CHD9: variants seen among roughly 807,000 people sequenced by gnomAD.
CHD9 encodes chromodomain helicase DNA binding protein 9, also known as ATP-dependent chromatin remodeler CHD9.
A neutral mutation model predicts 316.1 loss-of-function variants in CHD9; 77 were observed. That is an observed-to-expected ratio of 0.24 (90% CI 0.20 to 0.29). CHD9 has a LOEUF of 0.29. Ranked by LOEUF, CHD9 falls within the 10% of genes least tolerant of loss-of-function variation. The probability of loss-of-function intolerance (pLI) is 1.00; values close to 1 mark genes in which losing one functional copy is unlikely to be tolerated. For synonymous variants in CHD9, 1,129 were observed against 1,158.3 expected (o/e 0.97, Z 0.51); for missense variants, 2,763 against 3,438.1 (o/e 0.80, Z 4.91).
At chr16:53,132,005 G>GCA (rs1165557439) in intron 1 of CHD9, among the ~76,000 whole-genome samples, 1 of 152,202 alleles carries the variant, frequency 6.6e-6, no homozygotes, top group Non-Finnish European at 1.5e-5. Flanking sequence ...CCAAAGCCAA[G>GCA]CACTACCCGG....
At position 53,156,344 on chromosome 16, in the gene CHD9, T is replaced by C; in HGVS notation, c.255T>C (p.Ser85=). The change falls in exon 2 of 39, where the codon TCT becomes TCC. Residue 85 remains serine (S), a synonymous_variant. Coordinates refer to ENST00000447540, the MANE Select transcript of CHD9 (RefSeq NM_001308319.2). ...TAAAATTTCACCATGTTAATCAATC[T>C]TTTGGTAGCCCAGCTGAACATGTGT... The part of the protein sequence containing the change: ...DSIKFHHVNQ[S]FGSPAEHVLS... The C allele has an allele frequency of 6.2e-7, 1 of 1,614,008 alleles. No homozygotes were observed. The highest frequency in any genetic ancestry group is 1.3e-5 in the African/African-American group (1 of 75,058).
intron 1 of CHD9, among the ~76,000 whole-genome samples, chr16:53,095,340 G>T (rs1440847672): frequency 6.6e-6 from 1 of 152,138 alleles, no homozygotes; most frequent in Non-Finnish European, 1.5e-5. Context: ...GAAGCCAGGA[G>T]TTCAAGACCA....
In CHD9 at chr16:53,324,996, C is replaced by G; in HGVS notation, c.*101C>G. 4.1e-6 allele frequency: 4 copies of G among 984,934 alleles called. No homozygotes were observed. Among genetic ancestry groups the G allele is most frequent in the Non-Finnish European group, 5.8e-6 (4 of 691,162 alleles). 61.0% of individuals were successfully genotyped at this position (984,934 alleles called of 1,614,324 possible). On this transcript the variant is annotated 3_prime_UTR_variant, in exon 39 of 39. Transcript: ENST00000447540. ...TTGAGTGCATCAATAACTTACTGAC[C>G]GAACATTTCAGTTATTTGTTTAGAA...
At chr16:53,269,782 G>A in intron 22 of CHD9, among the ~76,000 whole-genome samples, 1 of 152,098 alleles carries the variant, frequency 6.6e-6, no homozygotes, top group Non-Finnish European at 1.5e-5. Flanking sequence ...AGCCAAAGAT[G>A]ACTTTCTGCC....
intron 2 of CHD9, among the ~76,000 whole-genome samples, chr16:53,198,307 A>C (rs1053688295): frequency 6.6e-6 from 1 of 150,846 alleles, no homozygotes; most frequent in African/African-American, 2.4e-5. Context: ...ACTCATAATA[A>C]GCATTCAATT....
In CHD9 at chr16:53,245,263, C is replaced by T. The variant is rs769331890; in HGVS notation, c.3055-73C>T. The T allele has an allele frequency of 5.1e-6, 6 of 1,169,810 alleles. No homozygotes were observed. The highest frequency in any genetic ancestry group is 2.8e-5 in the East Asian group (1 of 36,288). 72.5% of individuals were successfully genotyped at this position (1,169,810 alleles called of 1,614,324 possible). A position where few individuals can be genotyped will look rare whatever the true frequency, so the allele number is the denominator to read the frequency against. ...GAAAAATATTTGCATATTGATCATTCGATAATCTAAGTCAGCTTTCATATA... is the reference window on the plus strand; with the variant it reads ...GAAAAATATTTGCATATTGATCATTTGATAATCTAAGTCAGCTTTCATATA... On this transcript the variant is annotated intron_variant, in intron 13 of 38. Coordinates refer to ENST00000447540, the MANE Select transcript of CHD9 (RefSeq NM_001308319.2). This position sits in a 1 kb window ranked among gnomAD's most constrained non-coding sequence, Gnocchi z 4.1.
At chr16:53,121,626 G>A (rs2038742056) in intron 1 of CHD9, 1 of 329,832 alleles carries the variant, frequency 3.0e-6, no homozygotes, top group Non-Finnish European at 6.0e-6. Flanking sequence ...CATATCCCTT[G>A]GATGTTGTTA....
intron 28 of CHD9, 99 bp downstream of exon 28, chr16:53,291,866 T>C (rs1197577960): frequency 5.4e-6 from 4 of 738,974 alleles, no homozygotes; most frequent in African/African-American, 1.9e-5. Flanking sequence ...ATGTTTCATA[T>C]ATAAAAATTT....
At chr16:53,185,916 A>T (rs558652431) in intron 2 of CHD9, among the ~76,000 whole-genome samples, 1 of 152,366 alleles carries the variant, frequency 6.6e-6, no homozygotes, top group African/African-American at 2.4e-5. Flanking sequence ...TAGAAGATAC[A>T]TGGAAAGGCT....
At chr16:53,314,679 AGT>A in intron 35 of CHD9, 142 bp from the exon 36 acceptor site, 1 of 978,944 alleles carries the variant, frequency 1.0e-6, no homozygotes, top group South Asian at 1.8e-5. Flanking sequence ...ACTGTCCAAG[AGT>A]GATAAAAATT....
intron 1 of CHD9, among the ~76,000 whole-genome samples, chr16:53,057,358 A>T (rs1440384304): frequency 6.6e-6 from 1 of 151,610 alleles, no homozygotes; most frequent in Non-Finnish European, 1.5e-5. Context: ...TTTAAAAAAA[A>T]AAAGAGGAAA....
rs2045073745 is a variant in CHD9 at position 53,197,871 on chromosome 16, T to C, written c.1453-11611T>C. Among the ~76,000 whole-genome samples the C allele has an allele frequency of 2.6e-5, 4 of 152,114 alleles. No homozygotes were observed. In the South Asian group the frequency reaches 8.3e-4, roughly 32 times the overall value. On this transcript the variant is annotated intron_variant, in intron 2 of 38. Coordinates refer to ENST00000447540, the MANE Select transcript of CHD9 (RefSeq NM_001308319.2). ...CGGGGTTTCACCATGTTGGCCAGGC[T>C]GGTCTCGAACTACTGACCTCAGGTG...
rs1404683842 is a variant in CHD9 at position 53,245,178 on chromosome 16, A to G, written c.3055-158A>G. Reference sequence around the variant, plus strand: ...AGCAAGACCTTGTCTCTAAACAAACAAACAAATATATATATATACACACAC... The same window carrying G: ...AGCAAGACCTTGTCTCTAAACAAACGAACAAATATATATATATACACACAC... On this transcript the variant is annotated intron_variant, in intron 13 of 38. Coordinates refer to ENST00000447540, the MANE Select transcript of CHD9 (RefSeq NM_001308319.2). This position sits in a 1 kb window ranked among gnomAD's most constrained non-coding sequence, Gnocchi z 4.1. Among the ~76,000 whole-genome samples the G allele has an allele frequency of 1.3e-5, 2 of 149,666 alleles. No individual in the cohort carries two copies. The highest frequency in any genetic ancestry group is 5.0e-5 in the African/African-American group (2 of 40,214).
intron 1 of CHD9, among the ~76,000 whole-genome samples, chr16:53,117,831 CT>C (rs11436680): frequency 2.8e-4 from 41 of 145,794 alleles, no homozygotes; most frequent in Non-Finnish European, 3.0e-4. Context: ...AAATATTTCT[CT>C]TTTTTTTTTT....
At chr16:53,229,208 T>C in intron 8 of CHD9, 108 bp downstream of exon 8, 1 of 559,916 alleles carries the variant, frequency 1.8e-6, no homozygotes. Flanking sequence ...AGTGTTGATA[T>C]TTGAATACAA....
In CHD9 at chr16:53,227,386, C is replaced by G; in HGVS notation, c.2044-10C>G. ...GTGTTCTGTCATTATTTCTTTCCTC[C>G]CTCCCATAGGAGAATCCGAGTGAAG... On this transcript the variant is annotated splice_polypyrimidine_tract_variant and intron_variant, in intron 5 of 38. Coordinates refer to ENST00000447540, the MANE Select transcript of CHD9 (RefSeq NM_001308319.2). 6.5e-7 allele frequency: 1 copy of G among 1,539,882 alleles called. No individual in the cohort carries two copies. The highest frequency in any genetic ancestry group is 1.2e-5 in the South Asian group (1 of 81,796).
chr16:53,314,966 T>C lies in CHD9; in HGVS notation c.7506T>C (p.Asp2502=), dbSNP rs2056767927. 1 of 1,613,900 alleles carries C rather than the reference T, an allele frequency of 6.2e-7. No individual in the cohort carries two copies. Among genetic ancestry groups the C allele is most frequent in the Non-Finnish European group, 8.5e-7 (1 of 1,179,826 alleles). ...LKDGTRLAGD[D]APKRKDLEKW... ...ATGGAACGAGACTTGCAGGAGATGA[T>C]GCACCAAAGAGAAAGGATTTGGAAA... Residue 2502 remains aspartate, a synonymous_variant, in exon 36 of 39, where the codon GAT becomes GAC. Coordinates refer to ENST00000447540, the MANE Select transcript of CHD9 (RefSeq NM_001308319.2).
At chr16:53,312,435 A>C (rs1041103575) in intron 34 of CHD9, among the ~76,000 whole-genome samples, 18 of 152,232 alleles carry the variant, frequency 1.2e-4, no homozygotes, top group Admixed American at 2.0e-4. Flanking sequence ...TGATAAGAGG[A>C]CAACAAAATA....
intron 1 of CHD9, among the ~76,000 whole-genome samples, chr16:53,062,318 A>T (rs2033002493): frequency 6.6e-6 from 1 of 152,248 alleles, no homozygotes; most frequent in Non-Finnish European, 1.5e-5. Context: ...TTATCTTTAC[A>T]GTTTCCACCT....
Sources: allele counts gnomAD v4.1 joint callset (sites outside exome capture counted in the v4.1 genomes callset), GRCh38; gene constraint gnomAD v4.1.1; non-coding constraint Gnocchi (gnomAD v3.1); transcripts MANE v1.5; gene names NCBI Gene and HGNC (gene_info 2026-07-23, HGNC 2026-07-21).